The following CADM2 variants were observed in gnomAD, a reference collection of about 807,000 sequenced individuals.
The protein encoded by CADM2 is immunoglobulin superfamily member 4D.
CADM2 carries 12 observed loss-of-function variants against 49.8 expected under a neutral mutation model. That is an observed-to-expected ratio of 0.24 (90% CI 0.15 to 0.39). CADM2 has a LOEUF of 0.39. Ranked by LOEUF, CADM2 falls within the 10% of genes least tolerant of loss-of-function variation. CADM2 has a pLI of 1.00. For missense variants in CADM2, 378 were observed against 492.3 expected (o/e 0.77, Z 2.20); for synonymous variants, 214 against 175.4 (o/e 1.22, Z -1.74).
chr3:85,206,555 C>G (rs1254396630), intron 1 of CADM2, among the ~76,000 whole-genome samples: 2 of 152,064 alleles, frequency 1.3e-5, no homozygotes, highest in African/African-American at 2.4e-5. Flanking sequence ...GATCCGCCCA[C>G]CTCGGCCTCC....
chr3:86,025,306 C>T (rs1049029003), intron 8 of CADM2, among the ~76,000 whole-genome samples: 2 of 152,152 alleles, frequency 1.3e-5, no homozygotes, highest in Non-Finnish European at 2.9e-5. Context: ...ATCTGCCCGC[C>T]TCGGCCTCCC....
intron 1 of CADM2, among the ~76,000 whole-genome samples, chr3:85,144,776 A>C (rs552380445): frequency 1.3e-5 from 2 of 152,302 alleles, no homozygotes; most frequent in South Asian, 4.1e-4. Context: ...TTGTATTTTA[A>C]GTGATTTGAA....
At chr3:85,975,833 C>T (rs1357536147) in intron 8 of CADM2, among the ~76,000 whole-genome samples, 1 of 151,378 alleles carries the variant, frequency 6.6e-6, no homozygotes. Flanking sequence ...GGATGGTTAT[C>T]ATTTCTAAAT....
intron 1 of CADM2, among the ~76,000 whole-genome samples, chr3:85,591,590 G>T (rs1239164802): frequency 6.6e-6 from 1 of 151,932 alleles, no homozygotes; most frequent in African/African-American, 2.4e-5. Flanking sequence ...TCACTTTTTA[G>T]TTGGGGAAGA....
At chr3:85,297,359 T>A (rs1170016782) in intron 1 of CADM2, among the ~76,000 whole-genome samples, 1 of 152,060 alleles carries the variant, frequency 6.6e-6, no homozygotes. Context: ...TGGGCTGGTA[T>A]GGTTATCTAA....
intron 1 of CADM2, among the ~76,000 whole-genome samples, chr3:85,244,486 A>G (rs182426105): frequency 6.6e-6 from 1 of 152,284 alleles, no homozygotes; most frequent in Admixed American, 6.5e-5. Context: ...GTTTTCCTTT[A>G]TTGACCTTGC....
chr3:85,705,260 G>A (rs1278995963), intron 1 of CADM2, among the ~76,000 whole-genome samples: 1 of 150,068 alleles, frequency 6.7e-6, no homozygotes, highest in Non-Finnish European at 1.5e-5. Context: ...AAGCAAGGAC[G>A]TTTTGTATGT....
chr3:84,972,340 T>C (rs2031511409), intron 1 of CADM2, among the ~76,000 whole-genome samples: 1 of 152,254 alleles, frequency 6.6e-6, no homozygotes, highest in Non-Finnish European at 1.5e-5. Context: ...TAAAATAGCA[T>C]TTCCTAAAAT....
At chr3:85,693,893 C>T (rs1345822016) in intron 1 of CADM2, among the ~76,000 whole-genome samples, 19 of 121,668 alleles carry the variant, frequency 1.6e-4, no homozygotes, top group African/African-American at 5.6e-4. Context: ...AAGACTCCCT[C>T]TAAAAAAAAA....
intron 1 of CADM2, among the ~76,000 whole-genome samples, chr3:84,976,990 C>G (rs2031862168): frequency 6.6e-6 from 1 of 151,768 alleles, no homozygotes; most frequent in Non-Finnish European, 1.5e-5. Context: ...TGAGCAAAGA[C>G]AACAGTAAGT....
intron 3 of CADM2, among the ~76,000 whole-genome samples, chr3:85,854,685 G>A (rs767669251): frequency 2.6e-5 from 4 of 152,154 alleles, no homozygotes; most frequent in South Asian, 2.1e-4. Flanking sequence ...TGTAGATGAC[G>A]AGTTGATGGG....
At chr3:85,091,870 A>G (rs1179045691) in intron 1 of CADM2, among the ~76,000 whole-genome samples, 1 of 152,162 alleles carries the variant, frequency 6.6e-6, no homozygotes, top group Non-Finnish European at 1.5e-5. Context: ...AGTCACATAT[A>G]ATAAGTATGA....
chr3:85,361,725 T>A (rs1460849048), intron 1 of CADM2, among the ~76,000 whole-genome samples: 1 of 152,100 alleles, frequency 6.6e-6, no homozygotes. Flanking sequence ...AGCAGAGGAA[T>A]GGGAGAAAAT....
At chr3:84,977,878 C>T (rs1306279739) in intron 1 of CADM2, among the ~76,000 whole-genome samples, 1 of 152,032 alleles carries the variant, frequency 6.6e-6, no homozygotes, top group Non-Finnish European at 1.5e-5. Context: ...TCAAAGGGAA[C>T]ATTGCTTGCT....
intron 1 of CADM2, among the ~76,000 whole-genome samples, chr3:85,622,178 G>A (rs1207153687): frequency 6.6e-6 from 1 of 152,032 alleles, no homozygotes; most frequent in African/African-American, 2.4e-5. Context: ...CACCATAAAT[G>A]GTGATTTGGG....
At chr3:85,539,772 G>C (rs1159144877) in intron 1 of CADM2, among the ~76,000 whole-genome samples, 3 of 152,076 alleles carry the variant, frequency 2.0e-5, no homozygotes, top group Non-Finnish European at 4.4e-5. Flanking sequence ...CTTGGTAAAT[G>C]CAAGTGCCAT....
At chr3:85,289,317 C>CT (rs1190744117) in intron 1 of CADM2, among the ~76,000 whole-genome samples, 1 of 152,034 alleles carries the variant, frequency 6.6e-6, no homozygotes, top group African/African-American at 2.4e-5. Context: ...TATGGAATTT[C>CT]TTTTTTAAGT....
intron 8 of CADM2, among the ~76,000 whole-genome samples, chr3:85,965,094 A>T (rs1474515472): frequency 6.6e-6 from 1 of 151,520 alleles, no homozygotes; most frequent in Non-Finnish European, 1.5e-5. Flanking sequence ...AGAAGATTAT[A>T]GTTTAATGTG....
At chr3:85,244,125 G>T (rs2042594631) in intron 1 of CADM2, among the ~76,000 whole-genome samples, 1 of 151,932 alleles carries the variant, frequency 6.6e-6, no homozygotes, top group Non-Finnish European at 1.5e-5. Flanking sequence ...CCTAAATTTG[G>T]ATTTTATTTT....
Sources: gnomAD v4.1 joint callset for allele counts (sites outside exome capture counted in the v4.1 genomes callset) on GRCh38, gnomAD v4.1.1 for gene constraint, MANE v1.5 for transcripts, NCBI Gene and HGNC (gene_info 2026-07-23, HGNC 2026-07-21) for gene names.